TBC1D5: variants seen among roughly 807,000 people sequenced by gnomAD.
TBC1D5 encodes TBC1 domain family, member 5.
A neutral mutation model predicts 100.3 loss-of-function variants in TBC1D5; 75 were observed. That is an observed-to-expected ratio of 0.75 (90% CI 0.62 to 0.91). The LOEUF is 0.91. Among genes scored for constraint, TBC1D5 ranks in the 40% least tolerant of loss-of-function variants. The probability of loss-of-function intolerance (pLI) is 0.00; values close to 1 mark genes in which losing one functional copy is unlikely to be tolerated. For synonymous variants in TBC1D5, 323 were observed against 325.6 expected (o/e 0.99, Z 0.09); for missense variants, 910 against 942.4 (o/e 0.97, Z 0.45).
chr3:17,530,000 T>C (rs1338102789), intron 2 of TBC1D5, among the ~76,000 whole-genome samples: 2 of 152,168 alleles, frequency 1.3e-5, no homozygotes, highest in Admixed American at 6.5e-5. Flanking sequence ...TCCCAGCATT[T>C]TGGGAGGCCA....
intron 2 of TBC1D5, among the ~76,000 whole-genome samples, chr3:17,550,450 T>G (rs2096462498): frequency 6.6e-6 from 1 of 152,068 alleles, no homozygotes; most frequent in Non-Finnish European, 1.5e-5. Context: ...CATGTTCATC[T>G]GAATTGAAAC....
exon 22 of TBC1D5, chr3:17,157,574 A>T (rs1252274882): frequency 2.0e-5 from 2 of 98,568 alleles, no homozygotes; most frequent in African/African-American, 7.2e-5. Flanking sequence ...GGCAGGGGCC[A>T]GGGGCCAGGT....
exon 14 of TBC1D5, chr3:17,308,124 G>A (rs370114377): frequency 1.3e-5 from 21 of 1,577,042 alleles, no homozygotes; most frequent in Admixed American, 6.3e-5. Flanking sequence ...AATAGCAGCC[G>A]CACCCACCTT....
intron 13 of TBC1D5, among the ~76,000 whole-genome samples, chr3:17,346,083 G>T (rs776753339): frequency 3.3e-5 from 5 of 151,878 alleles, no homozygotes; most frequent in Admixed American, 2.0e-4. Context: ...AATAATAAAA[G>T]AATTTTTCAG....
At chr3:17,226,801 A>C (rs1199539118) in intron 17 of TBC1D5, among the ~76,000 whole-genome samples, 1 of 152,220 alleles carries the variant, frequency 6.6e-6, no homozygotes, top group Non-Finnish European at 1.5e-5. Flanking sequence ...TTTGGTCTTC[A>C]GAATTTCTGA....
chr3:17,285,209 C>A (rs544638267), intron 15 of TBC1D5, among the ~76,000 whole-genome samples: 2 of 148,684 alleles, frequency 1.3e-5, no homozygotes, highest in Non-Finnish European at 3.0e-5. Context: ...GGATATAGTG[C>A]ATCATCCTCA....
At chr3:17,208,140 T>A (rs2072480909) in intron 18 of TBC1D5, among the ~76,000 whole-genome samples, 1 of 152,188 alleles carries the variant, frequency 6.6e-6, no homozygotes, top group Non-Finnish European at 1.5e-5. Flanking sequence ...CAGTCATAGG[T>A]TCTGGTGTCC....
intron 4 of TBC1D5, among the ~76,000 whole-genome samples, chr3:17,427,042 C>T (rs1282297859): frequency 6.6e-6 from 1 of 151,956 alleles, no homozygotes; most frequent in Non-Finnish European, 1.5e-5. Context: ...TTACAATCAG[C>T]TATGACACAC....
At chr3:17,372,386 C>T in intron 12 of TBC1D5, 139 bp from the exon 13 acceptor site, 1 of 689,388 alleles carries the variant, frequency 1.5e-6, no homozygotes, top group Non-Finnish European at 2.2e-6. Flanking sequence ...GGTGAGAGCA[C>T]CATGAAATAA....
chr3:17,321,009 AAATGT>A (rs1478275922), intron 13 of TBC1D5, among the ~76,000 whole-genome samples: 1 of 152,224 alleles, frequency 6.6e-6, no homozygotes, highest in Non-Finnish European at 1.5e-5. Context: ...GGCTATACTT[AAATGT>A]ATATGTTTGA....
intron 8 of TBC1D5, among the ~76,000 whole-genome samples, chr3:17,392,140 G>C (rs970901895): frequency 6.6e-6 from 1 of 152,050 alleles, no homozygotes; most frequent in South Asian, 2.1e-4. Context: ...CCTTTGTTAA[G>C]ATCTCAGAAA....
chr3:17,514,652 A>G (rs1234920926), intron 2 of TBC1D5, among the ~76,000 whole-genome samples: 3 of 152,218 alleles, frequency 2.0e-5, no homozygotes, highest in Non-Finnish European at 4.4e-5. Flanking sequence ...AATATTTTAT[A>G]TTACAAACTA....
At chr3:17,447,456 G>T (rs968072145) in intron 3 of TBC1D5, among the ~76,000 whole-genome samples, 1 of 152,112 alleles carries the variant, frequency 6.6e-6, no homozygotes, top group African/African-American at 2.4e-5. Flanking sequence ...CTAGGCCACA[G>T]GTAGAAGAAC....
intron 15 of TBC1D5, among the ~76,000 whole-genome samples, chr3:17,263,021 G>A (rs1158902323): frequency 6.6e-6 from 1 of 151,898 alleles, no homozygotes; most frequent in African/African-American, 2.4e-5. Context: ...GAGGCCAGGA[G>A]TTTGAGACCA....
At chr3:17,430,977 T>C (rs1318161463) in intron 3 of TBC1D5, among the ~76,000 whole-genome samples, 1 of 151,846 alleles carries the variant, frequency 6.6e-6, no homozygotes, top group Non-Finnish European at 1.5e-5. Flanking sequence ...AAAAAACATA[T>C]CTGTAACACC....
rs543080852 is a variant in TBC1D5 at position 17,295,436 on chromosome 3, A to C, written c.1139-3435T>G. Among the ~76,000 whole-genome samples, 11 of 152,332 alleles carry C rather than the reference A, an allele frequency of 7.2e-5. No homozygotes were observed. The South Asian group carries it at 1.9e-3, about 26-fold the overall frequency. ...TGATGAATAGCATTACCTCCATATGAGGCAGAGCTGACTTCTCTGTCTGAA... is the reference window on the plus strand; with the variant it reads ...TGATGAATAGCATTACCTCCATATGCGGCAGAGCTGACTTCTCTGTCTGAA... On this transcript the variant is annotated intron_variant, in intron 14 of 21. Transcript: ENST00000253692.
chr3:17,225,206 A>G (rs547201938), intron 17 of TBC1D5, among the ~76,000 whole-genome samples: 69 of 152,290 alleles, frequency 4.5e-4, no homozygotes, highest in African/African-American at 1.5e-3. Context: ...TGGGAGGCCG[A>G]GGCAGGCAGA....
exon 22 of TBC1D5, chr3:17,157,197 T>C (rs2065656110): frequency 6.6e-6 from 1 of 152,244 alleles, no homozygotes; most frequent in Admixed American, 6.5e-5. Flanking sequence ...TATAACCATA[T>C]TGAATGGGGT....
chr3:17,547,413 T>A (rs961805147), intron 2 of TBC1D5, among the ~76,000 whole-genome samples: 20 of 152,266 alleles, frequency 1.3e-4, no homozygotes, highest in African/African-American at 4.8e-4. Flanking sequence ...ACCAATTTCA[T>A]CATCATATAC....
Sources: gnomAD v4.1 joint callset for allele counts (sites outside exome capture counted in the v4.1 genomes callset) on GRCh38, gnomAD v4.1.1 for gene constraint, MANE v1.5 for transcripts, NCBI Gene and HGNC (gene_info 2026-07-23, HGNC 2026-07-21) for gene names.